SHLD2: variants seen among roughly 807,000 people sequenced by gnomAD.
SHLD2 encodes the protein shieldin complex subunit 2.
SHLD2 carries 30 observed loss-of-function variants against 73.2 expected under a neutral mutation model. The ratio of observed to expected loss-of-function variants is 0.41; its 90% CI spans 0.31 to 0.56. The LOEUF is 0.56. Among genes scored for constraint, SHLD2 ranks in the 20% least tolerant of loss-of-function variants. The pLI is 0.28. For missense variants in SHLD2, 745 were observed against 1,055.9 expected (o/e 0.71, Z 4.08); for synonymous variants, 285 against 370.1 (o/e 0.77, Z 2.64).
intron 4 of SHLD2, among the ~76,000 whole-genome samples, chr10:87,165,217 A>C (rs969978257): frequency 2.0e-5 from 3 of 151,916 alleles, no homozygotes; most frequent in Non-Finnish European, 4.4e-5. Flanking sequence ...AAAACACAAA[A>C]ATAGAGAATT....
chr10:87,151,146 A>AT (rs1845986293), intron 2 of SHLD2, among the ~76,000 whole-genome samples: 1 of 152,020 alleles, frequency 6.6e-6, no homozygotes, highest in Non-Finnish European at 1.5e-5. Flanking sequence ...TAGGTGAAAA[A>AT]TTTTTGTGAA....
chr10:87,178,435 CCAGA>C (rs941678406), intron 7 of SHLD2, among the ~76,000 whole-genome samples: 4 of 151,454 alleles, frequency 2.6e-5, no homozygotes, highest in Non-Finnish European at 5.9e-5. Flanking sequence ...ATTTTTTAGG[CCAGA>C]CACATTGGCT....
chr10:87,121,052 A>G (rs1393608339), intron 2 of SHLD2, among the ~76,000 whole-genome samples: 1 of 151,472 alleles, frequency 6.6e-6, no homozygotes, highest in African/African-American at 2.4e-5. Context: ...CTCTGTCTCA[A>G]AAAAAAAAGA....
intron 2 of SHLD2, among the ~76,000 whole-genome samples, chr10:87,139,167 G>A (rs1444496691): frequency 6.6e-6 from 1 of 152,000 alleles, no homozygotes; most frequent in African/African-American, 2.4e-5. Flanking sequence ...ATTAGGCATA[G>A]TGGAGAGACT....
At chr10:87,160,108 G>C (rs1371546691) in intron 4 of SHLD2, among the ~76,000 whole-genome samples, 1 of 151,736 alleles carries the variant, frequency 6.6e-6, no homozygotes. Flanking sequence ...TATAACTTTA[G>C]TACAATATCA....
intron 2 of SHLD2, among the ~76,000 whole-genome samples, chr10:87,104,818 G>A (rs947442545): frequency 1.5e-4 from 23 of 151,632 alleles, no homozygotes; most frequent in African/African-American, 5.1e-4. Context: ...CTGCCACCAC[G>A]CCCGCCTAAT....
Position 87,151,401 on chromosome 10 carries a change from C to T in SHLD2, c.47C>T (p.Ala16Val), listed in dbSNP as rs1846002423. The change falls in exon 3 of 10, where the codon GCT becomes GTT. Residue 16 changes from alanine to valine, a missense_variant. Ala to Val is a moderately conservative substitution (Grantham distance 64). This residue lies in a region of SHLD2 where 280 missense variants were observed against 353.9 expected (regional missense o/e 0.79). Coordinates refer to ENST00000298786, the MANE Select transcript of SHLD2 (RefSeq NM_001330112.2). ...QVHIFWGAPI[A>V]PLKITVSEDT... ...CACATTTTTTGGGGTGCTCCAATTGCTCCACTGAAAATCACAGTATCAGAA... is the reference window on the plus strand; with the variant it reads ...CACATTTTTTGGGGTGCTCCAATTGTTCCACTGAAAATCACAGTATCAGAA... The T allele has an allele frequency of 6.3e-7, 1 of 1,592,716 alleles. No homozygotes were observed. Among genetic ancestry groups the T allele is most frequent in the Non-Finnish European group, 8.5e-7 (1 of 1,173,020 alleles).
In SHLD2 at chr10:87,157,128, G is replaced by A. The variant is rs1393533566; in HGVS notation, c.1526-920G>A. ...CATAGCGTCAACAAATGAGTTGGGC[G>A]CTATGAAAGGAAAAGCAGGTTTGGA... On this transcript the variant is annotated intron_variant, in intron 3 of 9. Transcript: ENST00000298786. Among the ~76,000 whole-genome samples, 5 of 152,144 alleles carry A rather than the reference G, an allele frequency of 3.3e-5. No homozygotes were observed. In the East Asian group the frequency reaches 5.8e-4, roughly 18 times the overall value.
chr10:87,123,264 T>A (rs1843750397), intron 2 of SHLD2, among the ~76,000 whole-genome samples: 1 of 152,186 alleles, frequency 6.6e-6, no homozygotes. Flanking sequence ...TTCAATGAGA[T>A]GTCAATGTCT....
At chr10:87,147,056 C>CAAAAAAAAA (rs1237507855) in intron 2 of SHLD2, among the ~76,000 whole-genome samples, 2 of 43,654 alleles carry the variant, frequency 4.6e-5, no homozygotes, top group African/African-American at 1.8e-4. Flanking sequence ...GACTCTGTCT[C>CAAAAAAAAA]AAAAAAAAAA....
At chr10:87,098,530 A>C (rs900877417) in intron 2 of SHLD2, among the ~76,000 whole-genome samples, 1 of 151,602 alleles carries the variant, frequency 6.6e-6, no homozygotes, top group Non-Finnish European at 1.5e-5. Context: ...AAAAAAAAAA[A>C]CAGGGAGTGA....
chr10:87,190,407 CA>C (rs1413035130), intron 9 of SHLD2, 76 bp from the exon 10 acceptor site: 2 of 1,226,098 alleles, frequency 1.6e-6, no homozygotes, highest in African/African-American at 3.0e-5. Flanking sequence ...CCAAAAGAAA[CA>C]ATGAAACCAT....
chr10:87,111,164 A>C (rs1331103516), intron 2 of SHLD2, among the ~76,000 whole-genome samples: 2 of 151,640 alleles, frequency 1.3e-5, no homozygotes, highest in Non-Finnish European at 2.9e-5. Context: ...AATTTTTTTA[A>C]AGTTTTTATT....
chr10:87,116,761 TCTC>T (rs1321684537), intron 2 of SHLD2, among the ~76,000 whole-genome samples: 3 of 152,178 alleles, frequency 2.0e-5, no homozygotes, highest in South Asian at 2.1e-4. Flanking sequence ...GTATGAATGA[TCTC>T]CTCCTTCTCT....
intron 6 of SHLD2, among the ~76,000 whole-genome samples, chr10:87,172,130 T>A (rs1564611040): frequency 6.6e-6 from 1 of 152,206 alleles, no homozygotes; most frequent in African/African-American, 2.4e-5. Context: ...AATTAAGATG[T>A]TGTTGTTCTT....
At chr10:87,162,770 C>T (rs1156830480) in intron 4 of SHLD2, among the ~76,000 whole-genome samples, 1 of 152,056 alleles carries the variant, frequency 6.6e-6, no homozygotes, top group Admixed American at 6.6e-5. Flanking sequence ...CAAATTAAAA[C>T]TACATGGAGA....
chr10:87,138,714 A>C (rs1363454017), intron 2 of SHLD2, among the ~76,000 whole-genome samples: 2 of 152,250 alleles, frequency 1.3e-5, no homozygotes, highest in Non-Finnish European at 2.9e-5. Flanking sequence ...TAAAGTCAGT[A>C]CATCTGCCTA....
chr10:87,161,688 T>A (rs1846828702), intron 4 of SHLD2, among the ~76,000 whole-genome samples: 1 of 152,228 alleles, frequency 6.6e-6, no homozygotes, highest in South Asian at 2.1e-4. Context: ...ATGATGTCAG[T>A]TCTTCCTAAG....
At chr10:87,147,851 C>T (rs928180930) in intron 2 of SHLD2, among the ~76,000 whole-genome samples, 2 of 151,962 alleles carry the variant, frequency 1.3e-5, no homozygotes, top group African/African-American at 4.8e-5. Flanking sequence ...TCCTTTTAAT[C>T]CTGTAGTAGC....
Sources: gnomAD v4.1 joint callset for allele counts (sites outside exome capture counted in the v4.1 genomes callset) on GRCh38, gnomAD v4.1.1 for gene constraint, gnomAD v4.1.1 regional missense constraint, MANE v1.5 for transcripts, NCBI Gene and HGNC (gene_info 2026-07-23, HGNC 2026-07-21) for gene names.